Variants in UBE2Q2 observed in about 807,000 individuals in gnomAD.
UBE2Q2 encodes the protein ubiquitin conjugating enzyme E2 Q2, also known as ubiquitin-conjugating enzyme E2 Q2.
A neutral mutation model predicts 59.9 loss-of-function variants in UBE2Q2; 54 were observed. The observed-to-expected ratio is 0.90, with a 90% CI of 0.72 to 1.13. The LOEUF is 1.13. UBE2Q2 is among the 50% of genes most tolerant of loss of function. The pLI is 0.00. For synonymous variants in UBE2Q2, 165 were observed against 155.2 expected (o/e 1.06, Z -0.47); for missense variants, 433 against 441.9 (o/e 0.98, Z 0.18).
chr15:75,854,004 C>G (rs1446928147), intron 1 of UBE2Q2, among the ~76,000 whole-genome samples: 2 of 152,200 alleles, frequency 1.3e-5, no homozygotes, highest in African/African-American at 2.4e-5. Flanking sequence ...ACATCATAGT[C>G]TCTTTGTAGC....
rs1321662091 is a variant in UBE2Q2, at chr15:75,843,629, TC to T, written c.-34del. The T allele has an allele frequency of 1.3e-6, 2 of 1,537,328 alleles. No homozygotes were observed. The highest frequency in any genetic ancestry group is 1.7e-6 in the Non-Finnish European group (2 of 1,144,044). On this transcript the variant is annotated 5_prime_UTR_variant, in exon 1 of 13. Coordinates refer to ENST00000267938, the MANE Select transcript of UBE2Q2 (RefSeq NM_173469.4). ...GCCCGGCTCCCCTTCCGCGCCCGGC[TC>T]CCCTTCCGCGCCCCTCCCGCCGGAG...
At chr15:75,848,014 T>C (rs1379227841) in intron 1 of UBE2Q2, among the ~76,000 whole-genome samples, 1 of 152,144 alleles carries the variant, frequency 6.6e-6, no homozygotes, top group Non-Finnish European at 1.5e-5. Context: ...TTTAAAAATG[T>C]TGGAGCTGTG....
chr15:75,854,332 A>G, intron 1 of UBE2Q2, 54 bp from the exon 2 acceptor site: 5 of 1,391,536 alleles, frequency 3.6e-6, no homozygotes, highest in East Asian at 2.3e-5. Flanking sequence ...GTTTAATTGC[A>G]TATTTGGGTT....
chr15:75,891,233 CTGTT>C (rs1899085367), intron 11 of UBE2Q2, among the ~76,000 whole-genome samples: 1 of 152,010 alleles, frequency 6.6e-6, no homozygotes, highest in African/African-American at 2.4e-5. Flanking sequence ...TGTTTTTAGT[CTGTT>C]ATATTTGCTG....
intron 1 of UBE2Q2, among the ~76,000 whole-genome samples, chr15:75,850,659 A>T (rs1896590073): frequency 6.6e-6 from 1 of 152,162 alleles, no homozygotes; most frequent in South Asian, 2.1e-4. Flanking sequence ...GGAACTATGT[A>T]AGTTAATATA....
intron 12 of UBE2Q2, among the ~76,000 whole-genome samples, chr15:75,897,787 C>T (rs1224803440): frequency 2.0e-5 from 3 of 151,910 alleles, no homozygotes; most frequent in African/African-American, 7.3e-5. Flanking sequence ...CCTCCTGCCT[C>T]AGTCTCCTCA....
chr15:75,887,109 A>G (rs1898823532), intron 9 of UBE2Q2, among the ~76,000 whole-genome samples: 1 of 152,198 alleles, frequency 6.6e-6, no homozygotes, highest in Non-Finnish European at 1.5e-5. Context: ...AGTAATTTGA[A>G]TAAGTCAGCT....
At chr15:75,893,850 G>A (rs1465796743) in intron 11 of UBE2Q2, among the ~76,000 whole-genome samples, 5 of 152,130 alleles carry the variant, frequency 3.3e-5, no homozygotes, top group Admixed American at 1.3e-4. Context: ...ATTTTAAAAT[G>A]CTTAGAATTG....
intron 3 of UBE2Q2, among the ~76,000 whole-genome samples, chr15:75,867,840 A>G (rs571741432): frequency 6.6e-6 from 1 of 152,196 alleles, no homozygotes; most frequent in Non-Finnish European, 1.5e-5. Flanking sequence ...TAGGCTAGGT[A>G]TATAGTCTTT....
In UBE2Q2 at chr15:75,843,698, A is replaced by C; in HGVS notation, c.32A>C (p.Lys11Thr). The C allele has an allele frequency of 1.2e-6, 2 of 1,611,134 alleles. No individual in the cohort carries two copies. Among genetic ancestry groups the C allele is most frequent in the Non-Finnish European group, 8.5e-7 (1 of 1,178,840 alleles). ...GTGTCAGGGCTCAAGGCCGAGCTGA[A>C]GTTCCTGGCGTCCATCTTCGACAAG... is the stretch of plus-strand genomic sequence containing the variant. MSVSGLKAEL[K>T]FLASIFDKNH... Residue 11 changes from lysine (K) to threonine (T), a missense_variant, in exon 1 of 13, where the codon AAG (lysine) becomes ACG (threonine). Transcript: ENST00000267938.
intron 1 of UBE2Q2, among the ~76,000 whole-genome samples, chr15:75,846,342 A>G (rs1034186632): frequency 3.9e-5 from 6 of 152,138 alleles, no homozygotes; most frequent in East Asian, 1.9e-4. Context: ...GGTTCAAGCA[A>G]TTCTGCTGCC....
rs745679440 is a variant in UBE2Q2 at position 75,883,401 on chromosome 15, G to T, written c.861G>T (p.Val287=). 9 of 1,612,922 alleles carry T rather than the reference G, an allele frequency of 5.6e-6. No individual in the cohort carries two copies. The highest frequency in any genetic ancestry group is 3.3e-5 in the Admixed American group (2 of 59,920). ...NFPFDPPFVR[V]VLPVLSGGYV... ...CATTTGATCCTCCATTTGTTCGAGT[G>T]GTGTTACCTGTTCTCTCAGGAGGGT... Residue 287 remains valine, a synonymous_variant, in exon 9 of 13, where the codon GTG becomes GTT. Transcript: ENST00000267938.
Position 75,869,011 on chromosome 15 carries a change from G to T in UBE2Q2, c.447+1G>T. The T allele has an allele frequency of 1.2e-6, 2 of 1,610,538 alleles. No individual in the cohort carries two copies. Among genetic ancestry groups the T allele is most frequent in the Non-Finnish European group, 1.7e-6 (2 of 1,177,632 alleles). On this transcript the variant is annotated splice_donor_variant, in intron 4 of 12. Coordinates refer to ENST00000267938, the MANE Select transcript of UBE2Q2 (RefSeq NM_173469.4). LOFTEE classifies it high-confidence loss of function. Reference sequence around the variant, plus strand: ...GGAAGAAGAAGAAGAGATGGCTGAAGTAGGTATTTTATATAAAAGAAGAGT... The same window carrying T: ...GGAAGAAGAAGAAGAGATGGCTGAATTAGGTATTTTATATAAAAGAAGAGT...
intron 9 of UBE2Q2, among the ~76,000 whole-genome samples, chr15:75,889,234 T>G (rs1298679941): frequency 6.6e-6 from 1 of 152,172 alleles, no homozygotes; most frequent in Non-Finnish European, 1.5e-5. Flanking sequence ...TTGGAGAGTT[T>G]TTCTTTTAGA....
chr15:75,858,346 ATCAGCCCCG>A (rs1348557229), intron 2 of UBE2Q2, among the ~76,000 whole-genome samples: 1 of 152,148 alleles, frequency 6.6e-6, no homozygotes, highest in Admixed American at 6.5e-5. Flanking sequence ...CTAGCACTCT[ATCAGCCCCG>A]TGTTTTTTCT....
At chr15:75,888,798 C>T (rs1898934122) in intron 9 of UBE2Q2, among the ~76,000 whole-genome samples, 2 of 152,150 alleles carry the variant, frequency 1.3e-5, no homozygotes, top group South Asian at 4.1e-4. Flanking sequence ...TGTACAAATG[C>T]ACTTTTTGAC....
At chr15:75,898,641 T>C (rs1404825618) in intron 12 of UBE2Q2, among the ~76,000 whole-genome samples, 1 of 152,220 alleles carries the variant, frequency 6.6e-6, no homozygotes, top group Non-Finnish European at 1.5e-5. Flanking sequence ...GGCATAGTCA[T>C]TTAGTCATTG....
intron 1 of UBE2Q2, among the ~76,000 whole-genome samples, chr15:75,851,241 C>T (rs1896621405): frequency 6.6e-6 from 1 of 151,180 alleles, no homozygotes; most frequent in Non-Finnish European, 1.5e-5. Context: ...CAGGTGTAGG[C>T]CATCTTACTG....
chr15:75,863,125 G>A (rs1324505691), intron 3 of UBE2Q2, among the ~76,000 whole-genome samples: 1 of 152,204 alleles, frequency 6.6e-6, no homozygotes, highest in East Asian at 1.9e-4. Context: ...TCTGTTTACA[G>A]TCTTGCCTAT....
Sources: gnomAD v4.1 joint callset for allele counts (sites outside exome capture counted in the v4.1 genomes callset) on GRCh38, gnomAD v4.1.1 for gene constraint, MANE v1.5 for transcripts, NCBI Gene and HGNC (gene_info 2026-07-23, HGNC 2026-07-21) for gene names.